The following C2 variants were observed in gnomAD, a reference collection of about 807,000 sequenced individuals.
C2 encodes C3/C5 convertase.
A neutral mutation model predicts 85.2 loss-of-function variants in C2; 64 were observed. That is an observed-to-expected ratio of 0.75 (90% CI 0.61 to 0.92). The LOEUF (loss-of-function observed/expected upper bound fraction) is 0.92. Among genes scored for constraint, C2 ranks in the 40% least tolerant of loss-of-function variants. The pLI, the probability that C2 is intolerant of heterozygous loss-of-function variation, is 0.00. For synonymous variants in C2, 311 were observed against 370.8 expected, an observed-to-expected ratio of 0.84 and a Z score of 1.85; for missense variants, 820 against 971.6, an observed-to-expected ratio of 0.84 and a Z score of 2.07.
intron 1 of C2, among the ~76,000 whole-genome samples, chr6:31,905,861 C>T (rs1582010334): frequency 6.6e-6 from 1 of 151,998 alleles, no homozygotes; most frequent in Non-Finnish European, 1.5e-5. Flanking sequence ...GAGAAGCTAG[C>T]TCACAGCTTA....
intron 1 of C2, among the ~76,000 whole-genome samples, chr6:31,912,125 C>A (rs1186942114): frequency 6.6e-6 from 1 of 152,064 alleles, no homozygotes; most frequent in Non-Finnish European, 1.5e-5. Flanking sequence ...TGTCTGTGGA[C>A]CACAGTCTGA....
At chr6:31,927,185 G>T (rs2151738207), upstream of C2, among the ~76,000 whole-genome samples, 2 of 152,276 alleles carry the variant, frequency 1.3e-5, 1 homozygote, top group Middle Eastern at 6.8e-3. This position sits in a 1 kb window ranked among gnomAD's most constrained non-coding sequence, Gnocchi z 4.7. Flanking sequence ...TTATCAAGAA[G>T]TTCTAAAAAA....
At chr6:31,908,146 A>AT (rs982568692) in intron 1 of C2, among the ~76,000 whole-genome samples, 4,940 of 120,660 alleles carry the variant, frequency 0.041, 161 homozygotes, top group East Asian at 0.15. Flanking sequence ...GCACCCGGCC[A>AT]TTTTTTTTTT....
At chr6:31,901,105 G>C in exon 1 of C2, 1 of 1,614,096 alleles carries the variant, frequency 6.2e-7, no homozygotes, top group Non-Finnish European at 8.5e-7. Context: ...GCAGCTCCGA[G>C]CTGGGGTTCA....
intron 3 of C2, among the ~76,000 whole-genome samples, chr6:31,931,580 G>T (rs1769753555): frequency 6.6e-6 from 1 of 151,938 alleles, no homozygotes; most frequent in Non-Finnish European, 1.5e-5. Context: ...AGGGTTGGGG[G>T]TAAGGTCACC....
upstream of C2, among the ~76,000 whole-genome samples, chr6:31,919,037 A>C (rs1002962470): frequency 6.6e-6 from 1 of 152,116 alleles, no homozygotes; most frequent in Non-Finnish European, 1.5e-5. Flanking sequence ...TCTCTACTTT[A>C]CAATATGTTT....
chr6:31,898,217 T>TTCTG (rs1766844391), upstream of C2, among the ~76,000 whole-genome samples: 2 of 152,316 alleles, frequency 1.3e-5, no homozygotes, highest in Non-Finnish European at 2.9e-5. Flanking sequence ...AACCTGTGGC[T>TTCTG]AAATGTCTCT....
Position 31,943,980 on chromosome 6 carries a change from C to T in C2, c.1797C>T (p.Thr599=), listed in dbSNP as rs1771126830. ...CTCTGCGGAGACCTCAAGGCAGCACCTGTAGGGACCATGGTGAGTGCTGGG... is the reference window on the plus strand; with the variant it reads ...CTCTGCGGAGACCTCAAGGCAGCACTTGTAGGGACCATGGTGAGTGCTGGG... ...NLALRRPQGS[T]CRDHENELLN... is the part of the protein sequence containing the mutation. The change falls in exon 14 of 18, where the codon ACC becomes ACT. Residue 599 remains threonine, a synonymous_variant. Coordinates refer to ENST00000299367, the MANE Select transcript of C2 (RefSeq NM_000063.6). The surrounding 1 kb of genome is among the most constrained non-coding windows in gnomAD (Gnocchi z 6.4). 6.2e-7 allele frequency: 1 copy of T among 1,612,834 alleles called. No homozygotes were observed. Among genetic ancestry groups the T allele is most frequent in the South Asian group, 1.1e-5 (1 of 91,078 alleles).
At chr6:31,927,656 A>G, upstream of C2, 8 of 1,609,978 alleles carry the variant, frequency 5.0e-6, no homozygotes, top group Non-Finnish European at 5.9e-6. This position sits in a 1 kb window ranked among gnomAD's most constrained non-coding sequence, Gnocchi z 4.7. Context: ...TCTGGCAGCA[A>G]TGAAGCAGCT....
At position 31,904,711 on chromosome 6, in the gene C2, A is replaced by T. The variant is rs1767604568; in HGVS notation, c.73+3572A>T. Among the ~76,000 whole-genome samples the T allele has an allele frequency of 6.6e-6, 1 of 152,080 alleles. No individual in the cohort carries two copies. The highest frequency in any genetic ancestry group is 2.4e-5 in the African/African-American group (1 of 41,358). The stretch of plus-strand genomic sequence containing the variant: ...TAGTTCACATTCCAGTGAGAGCAGA[A>T]ATACAAAAAGCTGTCAAGTTAAGAA... On this transcript the variant is annotated intron_variant, in intron 1 of 3. Transcript: ENST00000452202. The surrounding 1 kb of genome is among the most constrained non-coding windows in gnomAD (Gnocchi z 4.4).
rs1233937975 is a variant in C2 at position 31,920,402 on chromosome 6, AG to A, written c.-100+379del. The stretch of plus-strand genomic sequence containing the variant: ...ACATTAGAGAGGAATTTTCAATGAA[AG>A]GGCAGAGGAGGCTAGTGAGGCCCCC... On this transcript the variant is annotated intron_variant, in intron 1 of 3. Coordinates refer to the C2 transcript ENST00000413154. The surrounding 1 kb of genome is among the most constrained non-coding windows in gnomAD (Gnocchi z 5.6). Among the ~76,000 whole-genome samples, 1 of 152,182 alleles carries A rather than the reference AG, an allele frequency of 6.6e-6. No homozygotes were observed. The highest frequency in any genetic ancestry group is 6.5e-5 in the Admixed American group (1 of 15,278).
chr6:31,942,899 C>T, intron 9 of C2, 60 bp from the exon 10 acceptor site: 2 of 1,606,962 alleles, frequency 1.2e-6, no homozygotes, highest in Non-Finnish European at 8.5e-7. Context: ...TGACAGCCTC[C>T]TGTCTCATGG....
chr6:31,900,544 G>C (rs753644043), upstream of C2: 3 of 1,612,090 alleles, frequency 1.9e-6, no homozygotes, highest in Admixed American at 5.0e-5. This position sits in a 1 kb window ranked among gnomAD's most constrained non-coding sequence, Gnocchi z 9.7. Flanking sequence ...GGGCTACAGT[G>C]CTGGGGGGAA....
chr6:31,928,737 C>A lies in C2; in HGVS notation c.262C>A (p.Arg88Ser). 6.2e-7 allele frequency: 1 copy of A among 1,614,208 alleles called. No individual in the cohort carries two copies. Among genetic ancestry groups the A allele is most frequent in the African/African-American group, 1.3e-5 (1 of 75,058 alleles). ...CCCACTTCCTCTCTCTCCAGCTGTG[C>A]GCTGTCCAGCCCCTGTCTCCTTTGA... ...SLSKAVCKPV[R>S]CPAPVSFENG... Residue 88 changes from arginine to serine, a missense_variant, in exon 3 of 18, where the codon CGC becomes AGC. Transcript: ENST00000299367.
upstream of C2, chr6:31,898,024 G>C (rs1766819275): frequency 1.9e-6 from 1 of 532,230 alleles, no homozygotes; most frequent in Non-Finnish European, 2.4e-6. Context: ...TCCCGCCTCT[G>C]GTTGCTTTTC....
At chr6:31,901,708 C>G (rs1767296274) in intron 1 of C2, 1 of 224,316 alleles carries the variant, frequency 4.5e-6, no homozygotes, top group Non-Finnish European at 8.8e-6. Flanking sequence ...CCCCCCCTTA[C>G]ACGTTTGCAC....
intron 1 of C2, among the ~76,000 whole-genome samples, chr6:31,914,590 CA>C (rs531356471): frequency 0.1 from 12,345 of 117,818 alleles, 564 homozygotes; most frequent in African/African-American, 0.17. Flanking sequence ...GACTCCGTCT[CA>C]AAAAAAAAAA....
At chr6:31,911,641 T>C (rs1768106083) in intron 1 of C2, among the ~76,000 whole-genome samples, 1 of 150,356 alleles carries the variant, frequency 6.7e-6, no homozygotes, top group Non-Finnish European at 1.5e-5. Context: ...TTTTTTTTTT[T>C]CTCTCTCTTT....
chr6:31,932,067 G>A (rs1462709131), intron 3 of C2, among the ~76,000 whole-genome samples: 1 of 134,312 alleles, frequency 7.4e-6, no homozygotes, highest in African/African-American at 2.9e-5. Context: ...AGGGGCGGCC[G>A]GGCAGAGGCG....
Sources: allele counts gnomAD v4.1 joint callset (sites outside exome capture counted in the v4.1 genomes callset), GRCh38; gene constraint gnomAD v4.1.1; non-coding constraint Gnocchi (gnomAD v3.1); transcripts MANE v1.5; gene names NCBI Gene and HGNC (gene_info 2026-07-23, HGNC 2026-07-21).